RFPL1: variants seen among roughly 807,000 people sequenced by gnomAD.
RFPL1 encodes the protein ret finger protein like 1.
A neutral mutation model predicts 9.6 loss-of-function variants in RFPL1; 6 were observed. The ratio of observed to expected loss-of-function variants is 0.62; its 90% CI spans 0.34 to 1.23. The LOEUF (loss-of-function observed/expected upper bound fraction) is 1.23, where lower values mean the gene tolerates loss of function less well. Ranked by LOEUF, RFPL1 falls within the 50% of genes most tolerant of loss-of-function variation. The pLI, the probability that RFPL1 is intolerant of heterozygous loss-of-function variation, is 0.03. For synonymous variants in RFPL1, 145 were observed against 149.4 expected (o/e 0.97, Z 0.22); for missense variants, 352 against 398.4 (o/e 0.88, Z 0.99).
At chr22:29,435,034 A>G (rs1569182564), upstream of RFPL1, 1 of 152,252 alleles carries the variant, frequency 6.6e-6, no homozygotes, top group Non-Finnish European at 1.5e-5. Flanking sequence ...CATTTAGACA[A>G]TCACTTTATG....
chr22:29,426,489 C>T, the RFPL1 span, among the ~76,000 whole-genome samples: 16 of 151,772 alleles, frequency 1.1e-4, no homozygotes, highest in African/African-American at 3.9e-4. Flanking sequence ...CAGTGGCTCA[C>T]ACCTGTAATC....
chr22:29,436,942 G>A (rs1003019815), upstream of RFPL1: 6 of 152,168 alleles, frequency 3.9e-5, no homozygotes, highest in Non-Finnish European at 5.9e-5. Flanking sequence ...AAGCAGTAAA[G>A]ATCCCACTAC....
exon 2 of RFPL1, chr22:29,442,383 A>C: frequency 3.3e-6 from 1 of 306,766 alleles, no homozygotes. Context: ...CAATTTCCAA[A>C]TGCTTTTTTA....
upstream of RFPL1, among the ~76,000 whole-genome samples, chr22:29,436,090 A>G (rs545344957): frequency 1.2e-3 from 188 of 152,008 alleles, no homozygotes; most frequent in African/African-American, 4.3e-3. Context: ...TATTGGATAC[A>G]GAATTATACC....
chr22:29,395,087 A>G, the RFPL1 span, among the ~76,000 whole-genome samples: 3 of 152,002 alleles, frequency 2.0e-5, no homozygotes, highest in Non-Finnish European at 4.4e-5. Flanking sequence ...CTCCCTCCAC[A>G]ATGAATGGGT....
chr22:29,416,628 C>T, the RFPL1 span, among the ~76,000 whole-genome samples: 4 of 152,252 alleles, frequency 2.6e-5, no homozygotes, highest in South Asian at 2.1e-4. Flanking sequence ...TCTGGAGGGT[C>T]GCAGGGAAGC....
At chr22:29,437,888 G>T (rs1260406621), upstream of RFPL1, 11 of 616,726 alleles carry the variant, frequency 1.8e-5, no homozygotes, top group East Asian at 3.3e-4. Context: ...TGGATCCCCA[G>T]ATCTCCAGTC....
At chr22:29,420,832 G>T in the RFPL1 span, among the ~76,000 whole-genome samples, 1 of 151,744 alleles carries the variant, frequency 6.6e-6, no homozygotes, top group South Asian at 2.1e-4. Context: ...GTAGAGACGG[G>T]GTTTCACCAC....
the RFPL1 span, among the ~76,000 whole-genome samples, chr22:29,414,852 G>A: frequency 6.6e-6 from 1 of 151,134 alleles, no homozygotes; most frequent in African/African-American, 2.4e-5. Context: ...TTCTGAACTG[G>A]TGAGGTGTGC....
the RFPL1 span, among the ~76,000 whole-genome samples, chr22:29,412,440 G>A: frequency 6.6e-6 from 1 of 152,136 alleles, no homozygotes; most frequent in Non-Finnish European, 1.5e-5. Flanking sequence ...TTCCAGGGCA[G>A]GGTGAGCTCA....
At chr22:29,399,994 C>CTTT in the RFPL1 span, among the ~76,000 whole-genome samples, 2 of 116,268 alleles carry the variant, frequency 1.7e-5, no homozygotes, top group African/African-American at 3.4e-5. Context: ...CTTTTCTTTT[C>CTTT]TTTTTTTTTT....
At chr22:29,426,911 C>T in the RFPL1 span, among the ~76,000 whole-genome samples, 892 of 152,274 alleles carry the variant, frequency 5.9e-3, 13 homozygotes, top group African/African-American at 0.02. Flanking sequence ...AGGAGTCTGG[C>T]GTTCTACCCA....
At chr22:29,426,935 G>A in the RFPL1 span, among the ~76,000 whole-genome samples, 1 of 152,216 alleles carries the variant, frequency 6.6e-6, no homozygotes, top group Non-Finnish European at 1.5e-5. Flanking sequence ...GGGCCATTGA[G>A]AAGGTGGAGA....
upstream of RFPL1, chr22:29,438,014 C>A (rs2062817014): frequency 3.3e-6 from 1 of 301,536 alleles, no homozygotes; most frequent in Non-Finnish European, 6.0e-6. Context: ...GTTGGAGTGA[C>A]CTGGTGTGAT....
upstream of RFPL1, chr22:29,438,496 T>G: frequency 5.5e-6 from 5 of 911,018 alleles, no homozygotes; most frequent in East Asian, 4.2e-5. Flanking sequence ...CAGCCCCTAA[T>G]TCTTATGTTC....
chr22:29,415,750 C>T, the RFPL1 span, among the ~76,000 whole-genome samples: 1 of 152,248 alleles, frequency 6.6e-6, no homozygotes, highest in Non-Finnish European at 1.5e-5. Context: ...GGGCTTACAA[C>T]TCTAAGGGGT....
At chr22:29,435,912 G>A (rs753968598), upstream of RFPL1, among the ~76,000 whole-genome samples, 1 of 152,132 alleles carries the variant, frequency 6.6e-6, no homozygotes, top group Non-Finnish European at 1.5e-5. Flanking sequence ...CAGCCTGGAG[G>A]ACATTATGTT....
chr22:29,407,079 T>TTGTGTG, the RFPL1 span, among the ~76,000 whole-genome samples: 11 of 145,918 alleles, frequency 7.5e-5, no homozygotes, highest in South Asian at 2.2e-4. Context: ...AGTTGTTCTT[T>TTGTGTG]TGTGTGTGTG....
At chr22:29,426,888 G>C in the RFPL1 span, among the ~76,000 whole-genome samples, 2 of 152,202 alleles carry the variant, frequency 1.3e-5, no homozygotes, top group African/African-American at 2.4e-5. Context: ...AGCACCCAGG[G>C]GGACATCGAG....
Sources: gnomAD v4.1 joint callset for allele counts (sites outside exome capture counted in the v4.1 genomes callset) on GRCh38, gnomAD v4.1.1 for gene constraint, MANE v1.5 for transcripts, NCBI Gene and HGNC (gene_info 2026-07-23, HGNC 2026-07-21) for gene names.